The following PIWIL1 variants were observed in gnomAD, a reference collection of about 807,000 sequenced individuals.
The protein encoded by PIWIL1 is piwi like RNA-mediated gene silencing 1, also known as piwi-like protein 1.
Under a neutral mutation model 114.4 loss-of-function variants are expected in PIWIL1, and 73 were observed. The observed-to-expected ratio is 0.64, with a 90% CI of 0.53 to 0.78. The LOEUF is 0.78. Ranked by LOEUF, PIWIL1 falls within the 30% of genes least tolerant of loss-of-function variation. PIWIL1 has a pLI of 0.00. For synonymous variants in PIWIL1, 375 were observed against 369.0 expected (o/e 1.02, Z -0.19); for missense variants, 723 against 1,063.1 (o/e 0.68, Z 4.45).
At chr12:130,422,691 G>A in the PIWIL1 span, 96 of 664,640 alleles carry the variant, frequency 1.4e-4, 1 homozygote, top group East Asian at 2.6e-3. The surrounding 1 kb of genome is among the most constrained non-coding windows in gnomAD (Gnocchi z 5.2). Context: ...TAACTGAAAG[G>A]TTAGCTGAAT....
chr12:130,392,203 G>C, the PIWIL1 span, among the ~76,000 whole-genome samples: 194 of 67,060 alleles, frequency 2.9e-3, 4 homozygotes, highest in Non-Finnish European at 3.9e-3. Context: ...TCACGTGGAT[G>C]CATCAGTTAC....
At chr12:130,400,976 GTGAGA>G in the PIWIL1 span, among the ~76,000 whole-genome samples, 13 of 152,222 alleles carry the variant, frequency 8.5e-5, no homozygotes, top group African/African-American at 3.1e-4. Flanking sequence ...TGGTGGGAAG[GTGAGA>G]TGGTGCAGCT....
At chr12:130,389,411 CCT>C in the PIWIL1 span, among the ~76,000 whole-genome samples, 2 of 151,902 alleles carry the variant, frequency 1.3e-5, no homozygotes, top group East Asian at 3.9e-4. Context: ...ACTCTCTAGG[CCT>C]GAAGTTTTTC....
intron 19 of PIWIL1, among the ~76,000 whole-genome samples, chr12:130,368,572 A>G (rs35322230): frequency 0.051 from 7,798 of 152,250 alleles, 342 homozygotes; most frequent in African/African-American, 0.12. Context: ...CTAATAGGTT[A>G]GAAGGATTCT....
At chr12:130,381,441 T>C in the PIWIL1 span, among the ~76,000 whole-genome samples, 9 of 152,242 alleles carry the variant, frequency 5.9e-5, no homozygotes, top group Non-Finnish European at 1.0e-4. Flanking sequence ...TTTCTCAGGT[T>C]GGCTTCTCTC....
the PIWIL1 span, among the ~76,000 whole-genome samples, chr12:130,395,687 T>C: frequency 1.3e-5 from 2 of 152,258 alleles, no homozygotes; most frequent in African/African-American, 4.8e-5. Flanking sequence ...TATTTTCATC[T>C]TGCCGTAAGT....
At chr12:130,377,937 G>A in the PIWIL1 span, among the ~76,000 whole-genome samples, 5 of 152,220 alleles carry the variant, frequency 3.3e-5, no homozygotes, top group African/African-American at 1.2e-4. Context: ...TTTCTGGACA[G>A]CGCAAGAATC....
chr12:130,356,800 A>G (rs1221793163), intron 12 of PIWIL1, 118 bp from the exon 13 acceptor site: 1 of 621,780 alleles, frequency 1.6e-6, no homozygotes, highest in African/African-American at 1.9e-5. Flanking sequence ...CTTTAATTCA[A>G]GCATAAAAGT....
At chr12:130,346,178 G>A (rs888368905) in intron 4 of PIWIL1, among the ~76,000 whole-genome samples, 192 bp from the exon 5 acceptor site, 2 of 152,170 alleles carry the variant, frequency 1.3e-5, no homozygotes, top group African/African-American at 4.8e-5. Flanking sequence ...GTTTCTAAAT[G>A]TATGCTTCTT....
At chr12:130,422,454 G>A in the PIWIL1 span, 5 of 1,604,664 alleles carry the variant, frequency 3.1e-6, no homozygotes, top group Middle Eastern at 1.7e-4. This position sits in a 1 kb window ranked among gnomAD's most constrained non-coding sequence, Gnocchi z 5.2. Flanking sequence ...GCCACTAACC[G>A]ATGGATGGGA....
intron 7 of PIWIL1, among the ~76,000 whole-genome samples, 169 bp from the exon 8 acceptor site, chr12:130,349,070 T>C (rs1229105013): frequency 6.6e-6 from 1 of 152,200 alleles, no homozygotes; most frequent in Non-Finnish European, 1.5e-5. Flanking sequence ...ATTATAATGT[T>C]GTTGAAGGTC....
At chr12:130,375,528 G>T (rs567982416), downstream of PIWIL1, among the ~76,000 whole-genome samples, 1 of 152,198 alleles carries the variant, frequency 6.6e-6, no homozygotes, top group Non-Finnish European at 1.5e-5. Context: ...GTGGCGGCAC[G>T]CACGGTCTGT....
intron 1 of PIWIL1, among the ~76,000 whole-genome samples, chr12:130,339,093 C>G (rs977223913): frequency 2.6e-5 from 4 of 152,188 alleles, no homozygotes; most frequent in East Asian, 3.9e-4. Flanking sequence ...CGTCCGCCGC[C>G]GCTGCGCTGC....
chr12:130,358,908 C>G (rs1027319071), intron 14 of PIWIL1, among the ~76,000 whole-genome samples: 10 of 152,156 alleles, frequency 6.6e-5, no homozygotes, highest in African/African-American at 2.2e-4. Context: ...TCGTTGTTCA[C>G]CATGGTGTGC....
At chr12:130,397,885 G>C in the PIWIL1 span, 4 of 182,808 alleles carry the variant, frequency 2.2e-5, no homozygotes, top group Non-Finnish European at 3.4e-5. Flanking sequence ...AGTAAAGTTG[G>C]CCGAGTACCC....
the PIWIL1 span, chr12:130,406,233 G>A: frequency 8.7e-6 from 14 of 1,602,658 alleles, no homozygotes; most frequent in Non-Finnish European, 1.0e-5. Context: ...TGTGCAAAAT[G>A]TAAGTTCGGC....
rs749386374 is a variant in PIWIL1 at position 130,345,743 on chromosome 12, T to G, written c.191-10T>G. On this transcript the variant is annotated splice_polypyrimidine_tract_variant and intron_variant, in intron 3 of 20. Transcript: ENST00000245255. ...CTTTATGTTGCTCAAGTACACAATT[T>G]TTTTTTAAGGACTCCAGATATCTGC... 5 of 1,613,550 alleles carry G rather than the reference T, an allele frequency of 3.1e-6. No individual in the cohort carries two copies. The highest frequency in any genetic ancestry group is 2.7e-5 in the African/African-American group (2 of 74,898).
chr12:130,414,887 A>G, the PIWIL1 span, among the ~76,000 whole-genome samples: 1 of 152,110 alleles, frequency 6.6e-6, no homozygotes, highest in African/African-American at 2.4e-5. Flanking sequence ...GACACACACA[A>G]CCTCCCAGGA....
chr12:130,363,939 A>G (rs1405849985), intron 18 of PIWIL1, among the ~76,000 whole-genome samples: 1 of 152,168 alleles, frequency 6.6e-6, no homozygotes, highest in African/African-American at 2.4e-5. Flanking sequence ...CTTTTAAGGA[A>G]TGTGGACAGC....
Sources: gnomAD v4.1 joint callset for allele counts (sites outside exome capture counted in the v4.1 genomes callset) on GRCh38, gnomAD v4.1.1 for gene constraint, Gnocchi (gnomAD v3.1) non-coding constraint, MANE v1.5 for transcripts, NCBI Gene and HGNC (gene_info 2026-07-23, HGNC 2026-07-21) for gene names.